Variants in MANBA observed in about 807,000 individuals in gnomAD.
MANBA encodes the protein beta-mannosidase.
A neutral mutation model predicts 111.1 loss-of-function variants in MANBA; 83 were observed. The observed-to-expected ratio is 0.75, with a 90% CI of 0.63 to 0.90. MANBA has a LOEUF of 0.90. MANBA is among the 40% of genes least tolerant of loss of function. The pLI is 0.00. For synonymous variants in MANBA, 370 were observed against 378.7 expected (o/e 0.98, Z 0.27); for missense variants, 1,036 against 1,069.0 (o/e 0.97, Z 0.43).
In MANBA at chr4:102,633,669, C is replaced by T. The variant is rs191365267; in HGVS notation, c.2415+1119G>A. On this transcript the variant is annotated intron_variant, in intron 16 of 16. Transcript: ENST00000647097. ...AAGAAAGAGCCCTGCTTTTCTCCCACCCCAATTACCCACCTCAAGGTAATG... is the reference window on the plus strand; with the variant it reads ...AAGAAAGAGCCCTGCTTTTCTCCCATCCCAATTACCCACCTCAAGGTAATG... 7.2e-5 allele frequency among the ~76,000 whole-genome samples: 11 copies of T among 152,258 alleles called. No homozygotes were observed. In the East Asian group the frequency reaches 1.2e-3, roughly 16 times the overall value.
intron 5 of MANBA, among the ~76,000 whole-genome samples, chr4:102,704,452 G>A (rs1433909303): frequency 2.0e-5 from 3 of 152,116 alleles, no homozygotes; most frequent in Non-Finnish European, 2.9e-5. Context: ...TTACAAGCAT[G>A]AGCCACCACG....
chr4:102,716,096 G>T (rs1052730539), intron 4 of MANBA, among the ~76,000 whole-genome samples: 2 of 151,976 alleles, frequency 1.3e-5, no homozygotes, highest in Non-Finnish European at 1.5e-5. Context: ...GATCATCTGA[G>T]GTTGGGAGTT....
intron 1 of MANBA, among the ~76,000 whole-genome samples, chr4:102,734,839 G>A (rs1280235827): frequency 6.6e-6 from 1 of 152,056 alleles, no homozygotes; most frequent in Non-Finnish European, 1.5e-5. Flanking sequence ...AGAGTCAAGG[G>A]GACTGAAACA....
rs547742368 is a variant in MANBA, at chr4:102,686,031, C to T, written c.960+3543G>A. Reference sequence around the variant, plus strand: ...CAGCAAGATATTTCAGGCTCCAGCTCGAGAATCAGTCATTTCTCCAAAGAG... The same window carrying T: ...CAGCAAGATATTTCAGGCTCCAGCTTGAGAATCAGTCATTTCTCCAAAGAG... On this transcript the variant is annotated intron_variant, in intron 7 of 16. Coordinates refer to ENST00000647097, the MANE Select transcript of MANBA (RefSeq NM_005908.4). 2.8e-4 allele frequency among the ~76,000 whole-genome samples: 42 copies of T among 152,200 alleles called. No individual in the cohort carries two copies. In the South Asian group the frequency reaches 8.1e-3, roughly 29 times the overall value.
intron 1 of MANBA, among the ~76,000 whole-genome samples, chr4:102,758,634 C>T (rs1297804911): frequency 2.6e-5 from 4 of 151,698 alleles, no homozygotes; most frequent in Non-Finnish European, 5.9e-5. Context: ...CCTCAACCTC[C>T]TGGGCTCAAA....
At chr4:102,704,032 T>C (rs867001972) in intron 5 of MANBA, among the ~76,000 whole-genome samples, 2 of 151,820 alleles carry the variant, frequency 1.3e-5, no homozygotes, top group African/African-American at 2.4e-5. Flanking sequence ...GAGGTGGAGG[T>C]TGCAGTGAGC....
intron 5 of MANBA, among the ~76,000 whole-genome samples, chr4:102,691,733 C>G (rs1432121428): frequency 2.6e-5 from 4 of 152,066 alleles, no homozygotes; most frequent in African/African-American, 7.2e-5. Flanking sequence ...GTCTTGAACT[C>G]CTGGCCTCAA....
At chr4:102,739,991 G>T (rs1398230738) in intron 1 of MANBA, among the ~76,000 whole-genome samples, 1 of 152,168 alleles carries the variant, frequency 6.6e-6, no homozygotes. Context: ...TCAGTAAAGA[G>T]GAAGTAAAAC....
chr4:102,663,491 T>C (rs946819781), intron 11 of MANBA, among the ~76,000 whole-genome samples: 5 of 152,232 alleles, frequency 3.3e-5, no homozygotes, highest in Admixed American at 6.5e-5. Flanking sequence ...GTAAATATTT[T>C]TTAAAATTTG....
At chr4:102,695,198 G>A (rs1241866061) in intron 5 of MANBA, among the ~76,000 whole-genome samples, 1 of 151,890 alleles carries the variant, frequency 6.6e-6, no homozygotes, top group Non-Finnish European at 1.5e-5. Context: ...TCTCAAATAC[G>A]CCAGCTTCCT....
chr4:102,632,142 G>A lies in MANBA; in HGVS notation c.2555C>T (p.Thr852Ile), dbSNP rs1375957183. ...NGFLMTEKTR[T>I]ILFYPWEPTS... ...GGGCTCCCAAGGGTAAAATAATATAGTTCGTGTCTTCTCAGTCATGAGGAA... is the reference window on the plus strand; with the variant it reads ...GGGCTCCCAAGGGTAAAATAATATAATTCGTGTCTTCTCAGTCATGAGGAA... Residue 852 changes from threonine to isoleucine, a missense_variant, in exon 17 of 17, where the codon ACT becomes ATT. Thr to Ile is a moderately conservative substitution (Grantham distance 89). Transcript: ENST00000647097. 6 of 1,613,384 alleles carry A rather than the reference G, an allele frequency of 3.7e-6. No homozygotes were observed. The African/African-American group carries it at 8.0e-5, about 22-fold the overall frequency.
chr4:102,701,336 A>G lies in MANBA; in HGVS notation c.674-10565T>C, dbSNP rs1351982529. On this transcript the variant is annotated intron_variant, in intron 5 of 16. Transcript: ENST00000647097. ...CCAATTTGCCAGTCTGTGTCTTTTA[A>G]TTGGAGCATTTAGTCCATTTACATT... Among the ~76,000 whole-genome samples the G allele has an allele frequency of 2.6e-5, 4 of 151,930 alleles. No individual in the cohort carries two copies. The South Asian group carries it at 8.3e-4, about 32-fold the overall frequency.
chr4:102,690,464 T>G, intron 6 of MANBA, 132 bp downstream of exon 6: 1 of 834,876 alleles, frequency 1.2e-6, no homozygotes, highest in South Asian at 1.5e-5. Context: ...GAGACTAAAA[T>G]AGAGAAGAAA....
At chr4:102,727,047 G>A (rs1722837465) in intron 1 of MANBA, among the ~76,000 whole-genome samples, 2 of 152,204 alleles carry the variant, frequency 1.3e-5, no homozygotes, top group South Asian at 4.1e-4. Context: ...AAAGTGCTAG[G>A]ATTACAGGCA....
chr4:102,637,809 A>G (rs1327067746), intron 14 of MANBA, among the ~76,000 whole-genome samples: 1 of 152,162 alleles, frequency 6.6e-6, no homozygotes, highest in Non-Finnish European at 1.5e-5. Flanking sequence ...TGTTTCCTTG[A>G]GTTCTGTGAG....
In MANBA at chr4:102,714,183, C is replaced by A. The variant is rs17033204; in HGVS notation, c.673+255G>T. ...GAATACTTATCTCAGGAAAACTTGGCGCTGCTCTTCCATTTTATTTTTTCC... is the reference window on the plus strand; with the variant it reads ...GAATACTTATCTCAGGAAAACTTGGAGCTGCTCTTCCATTTTATTTTTTCC... On this transcript the variant is annotated intron_variant, in intron 5 of 16. Transcript: ENST00000647097. Among the ~76,000 whole-genome samples the A allele has an allele frequency of 0.057, 8,616 of 152,176 alleles. 671 individuals are homozygous for A. The highest frequency in any genetic ancestry group is 0.18 in the African/African-American group (7,526 of 41,490).
At chr4:102,703,885 G>A (rs905703822) in intron 5 of MANBA, among the ~76,000 whole-genome samples, 1 of 152,092 alleles carries the variant, frequency 6.6e-6, no homozygotes. Context: ...CACAAGGTCA[G>A]GAGATCAAGA....
intron 6 of MANBA, 32 bp downstream of exon 6, chr4:102,690,564 T>C (rs1237939708): frequency 1.3e-6 from 2 of 1,591,894 alleles, no homozygotes; most frequent in Admixed American, 1.7e-5. Flanking sequence ...TTGCTTTTCA[T>C]CCAGTGCTTC....
chr4:102,647,770 T>C (rs1730165409), intron 13 of MANBA, among the ~76,000 whole-genome samples: 1 of 152,116 alleles, frequency 6.6e-6, no homozygotes, highest in Non-Finnish European at 1.5e-5. Context: ...GATTGAAACA[T>C]TAAAATTCTC....
Sources: allele counts gnomAD v4.1 joint callset (sites outside exome capture counted in the v4.1 genomes callset), GRCh38; gene constraint gnomAD v4.1.1; transcripts MANE v1.5; gene names NCBI Gene and HGNC (gene_info 2026-07-23, HGNC 2026-07-21).